Variants in CCDC171 observed in about 807,000 individuals in gnomAD.
CCDC171 encodes coiled-coil domain-containing protein 171.
A neutral mutation model predicts 168.2 loss-of-function variants in CCDC171; 177 were observed. That is an observed-to-expected ratio of 1.05 (90% CI 0.93 to 1.19). The LOEUF (loss-of-function observed/expected upper bound fraction) is 1.19, where lower values mean the gene tolerates loss of function less well. CCDC171 is among the 50% of genes most tolerant of loss of function. The probability of loss-of-function intolerance (pLI) is 0.00; values close to 1 mark genes in which losing one functional copy is unlikely to be tolerated. For synonymous variants in CCDC171, 687 were observed against 540.8 expected (o/e 1.27, Z -3.75); for missense variants, 1,991 against 1,539.0 (o/e 1.29, Z -4.91).
At chr9:15,963,285 A>G (rs1180502110) in intron 25 of CCDC171, among the ~76,000 whole-genome samples, 1 of 152,186 alleles carries the variant, frequency 6.6e-6, no homozygotes, top group Non-Finnish European at 1.5e-5. Context: ...TACATATGTA[A>G]CAAACCTGCA....
At chr9:15,936,548 C>T (rs1394593913) in intron 25 of CCDC171, among the ~76,000 whole-genome samples, 1 of 151,926 alleles carries the variant, frequency 6.6e-6, no homozygotes. Context: ...GGGTGGGATG[C>T]AAGGCTGGTC....
At chr9:15,626,656 G>A (rs897741045) in intron 7 of CCDC171, among the ~76,000 whole-genome samples, 1 of 152,168 alleles carries the variant, frequency 6.6e-6, no homozygotes, top group Admixed American at 6.5e-5. Flanking sequence ...GCATCCCAGG[G>A]ATGAAGCCCA....
At chr9:15,901,338 A>G (rs1195849639) in intron 24 of CCDC171, among the ~76,000 whole-genome samples, 2 of 152,114 alleles carry the variant, frequency 1.3e-5, no homozygotes, top group African/African-American at 4.8e-5. Flanking sequence ...TAAACTGTGG[A>G]TTTTGGGTGA....
intron 18 of CCDC171, among the ~76,000 whole-genome samples, chr9:15,751,309 A>G (rs1370737732): frequency 6.6e-6 from 1 of 152,230 alleles, no homozygotes; most frequent in East Asian, 1.9e-4. Context: ...TTCCATGCTC[A>G]TGGATAGGAA....
the CCDC171 span, among the ~76,000 whole-genome samples, chr9:16,083,976 T>C: frequency 2.0e-5 from 3 of 152,182 alleles, no homozygotes; most frequent in Non-Finnish European, 2.9e-5. Context: ...TCGATTTTGC[T>C]AAGATAAGTG....
chr9:15,802,659 G>C (rs757838400), intron 21 of CCDC171, among the ~76,000 whole-genome samples: 1 of 152,144 alleles, frequency 6.6e-6, no homozygotes, highest in Admixed American at 6.6e-5. Flanking sequence ...GTCTATCACT[G>C]ATGGGCATTT....
intron 23 of CCDC171, among the ~76,000 whole-genome samples, chr9:15,872,554 T>A (rs1043468339): frequency 6.6e-6 from 1 of 152,064 alleles, no homozygotes; most frequent in Admixed American, 6.6e-5. Context: ...CATCCAGGAT[T>A]TCCCTAGTGA....
Position 15,817,913 on chromosome 9 carries a change from C to T in CCDC171, c.3268-28789C>T, listed in dbSNP as rs1003876164. On this transcript the variant is annotated intron_variant, in intron 21 of 25. Transcript: ENST00000380701. Reference sequence around the variant, plus strand: ...ACTGCCTCCTCAAGTGGGTCCCTGACCCCTGAGTAACCTAGCTGGGAGGCA... The same window carrying T: ...ACTGCCTCCTCAAGTGGGTCCCTGATCCCTGAGTAACCTAGCTGGGAGGCA... 1.6e-4 allele frequency among the ~76,000 whole-genome samples: 19 copies of T among 118,428 alleles called. 5 individuals are homozygous for T. The highest frequency in any genetic ancestry group is 4.8e-4 in the Admixed American group (6 of 12,584). The allele number at this position is 118,428 out of a possible 152,430, so 77.7% of individuals were successfully genotyped here. A position where few individuals can be genotyped will look rare whatever the true frequency, so the allele number is the denominator to read the frequency against.
intron 3 of CCDC171, among the ~76,000 whole-genome samples, chr9:16,007,513 T>C (rs141507302): frequency 0.011 from 1,692 of 152,340 alleles, 35 homozygotes; most frequent in African/African-American, 0.038. Flanking sequence ...TGCCCATGCC[T>C]ATGTCCTGAA....
intron 25 of CCDC171, among the ~76,000 whole-genome samples, chr9:15,969,470 C>A (rs1375196673): frequency 6.6e-6 from 1 of 152,092 alleles, no homozygotes; most frequent in Admixed American, 6.6e-5. Flanking sequence ...AATGGTTGGT[C>A]AGTTTGGCAT....
chr9:16,089,918 C>G, the CCDC171 span, among the ~76,000 whole-genome samples: 73 of 152,234 alleles, frequency 4.8e-4, no homozygotes, highest in African/African-American at 1.7e-3. Context: ...AGTCAGGAAA[C>G]AACAAATGCT....
chr9:15,650,790 A>G (rs1382088349), intron 7 of CCDC171, among the ~76,000 whole-genome samples: 1 of 152,130 alleles, frequency 6.6e-6, no homozygotes, highest in Non-Finnish European at 1.5e-5. Flanking sequence ...TTATGTGCAT[A>G]GAATGAAATT....
intron 3 of CCDC171, among the ~76,000 whole-genome samples, chr9:15,989,738 C>G (rs1832123288): frequency 6.6e-6 from 1 of 151,904 alleles, no homozygotes; most frequent in Non-Finnish European, 1.5e-5. Context: ...CTTAAATGAC[C>G]TGATGGAGCT....
the CCDC171 span, among the ~76,000 whole-genome samples, chr9:16,091,415 G>T: frequency 2.0e-5 from 3 of 152,344 alleles, no homozygotes; most frequent in East Asian, 5.8e-4. Flanking sequence ...TGACTGCTCA[G>T]TCCCTTTGGC....
intron 21 of CCDC171, among the ~76,000 whole-genome samples, chr9:15,803,956 G>A (rs535080347): frequency 6.6e-6 from 1 of 151,892 alleles, no homozygotes; most frequent in African/African-American, 2.4e-5. Context: ...CACTTCCCTT[G>A]TTAGCTGTAT....
Position 15,735,262 on chromosome 9 carries a change from C to G in CCDC171, c.2049+5464C>G, listed in dbSNP as rs190424961. Among the ~76,000 whole-genome samples, 8 of 152,230 alleles carry G rather than the reference C, an allele frequency of 5.3e-5. No homozygotes were observed. The East Asian group carries it at 1.5e-3, about 29-fold the overall frequency. ...AATTCTTGAATTTAAATACGTTGAG[C>G]CATCATGTAAATATATCTCAAGTGT... On this transcript the variant is annotated intron_variant, in intron 16 of 25. Coordinates refer to ENST00000380701, the MANE Select transcript of CCDC171 (RefSeq NM_173550.4).
chr9:15,611,958 C>G (rs1327667007), intron 6 of CCDC171, among the ~76,000 whole-genome samples: 3 of 152,102 alleles, frequency 2.0e-5, no homozygotes, highest in East Asian at 1.9e-4. Context: ...ATGGTGGAAA[C>G]CTTAAGTAGA....
chr9:15,712,114 G>A (rs1455650027), intron 11 of CCDC171, among the ~76,000 whole-genome samples: 1 of 152,226 alleles, frequency 6.6e-6, no homozygotes, highest in Admixed American at 6.5e-5. Context: ...AAGGCAGAGA[G>A]AAAGCATTCT....
chr9:15,826,532 T>C (rs9407648), intron 21 of CCDC171, among the ~76,000 whole-genome samples: 67,291 of 151,984 alleles, frequency 0.44, 15,111 homozygotes, highest in African/African-American at 0.47. Context: ...GGCTTCTGCC[T>C]GATTTTCTTT....
Sources: gnomAD v4.1 joint callset for allele counts (sites outside exome capture counted in the v4.1 genomes callset) on GRCh38, gnomAD v4.1.1 for gene constraint, MANE v1.5 for transcripts, NCBI Gene and HGNC (gene_info 2026-07-23, HGNC 2026-07-21) for gene names.